Variants in NUAK2 observed in about 807,000 individuals in gnomAD.
The protein encoded by NUAK2 is NUAK family SNF1-like kinase 2.
In NUAK2, 20 loss-of-function variants were observed where a neutral mutation model predicts 29.8. The ratio of observed to expected loss-of-function variants is 0.67; its 90% CI spans 0.47 to 0.98. The LOEUF (loss-of-function observed/expected upper bound fraction) is 0.98, where lower values mean the gene tolerates loss of function less well. Ranked by LOEUF, NUAK2 falls within the 50% of genes least tolerant of loss-of-function variation. The pLI, the probability that NUAK2 is intolerant of heterozygous loss-of-function variation, is 0.00. For synonymous variants in NUAK2, 331 were observed against 342.6 expected, an observed-to-expected ratio of 0.97 and a Z score of 0.37; for missense variants, 719 against 834.5, an observed-to-expected ratio of 0.86 and a Z score of 1.71.
intron 1 of NUAK2, among the ~76,000 whole-genome samples, chr1:205,312,220 T>C (rs995740998): frequency 1.3e-5 from 2 of 152,286 alleles, no homozygotes; most frequent in Non-Finnish European, 2.9e-5. Context: ...CTGAGCACAG[T>C]AGGCACAGAA....
Position 205,321,742 on chromosome 1 carries a change from G to C in NUAK2, c.-114C>G. ...CGGGGAGCCACAGCAGTACCAGAGC[G>C]CGCAGTAAAGCACAGCATTCCAAGT... On this transcript the variant is annotated 5_prime_UTR_variant, in exon 1 of 7. Transcript: ENST00000367157. The C allele has an allele frequency of 1.2e-6, 1 of 806,836 alleles. No homozygotes were observed. The highest frequency in any genetic ancestry group is 2.0e-6 in the Non-Finnish European group (1 of 511,686). The allele number at this position is 806,836 out of a possible 1,614,324, so 50.0% of individuals were successfully genotyped here. A position where few individuals can be genotyped will look rare whatever the true frequency, so the allele number is the denominator to read the frequency against.
intron 2 of NUAK2, among the ~76,000 whole-genome samples, chr1:205,309,635 T>C (rs1444821551): frequency 6.6e-6 from 1 of 152,166 alleles, no homozygotes; most frequent in African/African-American, 2.4e-5. Context: ...CACAGTTATG[T>C]TTATAATCAG....
At position 205,321,417 on chromosome 1, in the gene NUAK2, C is replaced by T. The variant is rs1553381660; in HGVS notation, c.212G>A (p.Arg71Gln). 1 of 1,613,788 alleles carries T rather than the reference C, an allele frequency of 6.2e-7. No individual in the cohort carries two copies. The highest frequency in any genetic ancestry group is 8.5e-7 in the Non-Finnish European group (1 of 1,179,824). Residue 71 changes from arginine (R) to glutamine (Q), a missense_variant, in exon 1 of 7, where the codon CGG becomes CAG. Transcript: ENST00000367157. ...ACTCACCAGGCGCCCCGAGCTCTCC[C>T]GCGCCTTCTTCACCTTCCCGTAGGT... ...KGTYGKVKKARESSGRLVAIK... is the reference protein window; with the variant it reads ...KGTYGKVKKAQESSGRLVAIK...
intron 1 of NUAK2, among the ~76,000 whole-genome samples, chr1:205,319,294 G>A (rs1662373223): frequency 6.6e-6 from 1 of 152,196 alleles, no homozygotes; most frequent in Non-Finnish European, 1.5e-5. Context: ...AGAGCAAGAG[G>A]CATGAGGCCA....
At chr1:205,318,051 TAATTA>T (rs1662354507) in intron 1 of NUAK2, among the ~76,000 whole-genome samples, 1 of 152,200 alleles carries the variant, frequency 6.6e-6, no homozygotes, top group Non-Finnish European at 1.5e-5. Context: ...GAGGTAGGAA[TAATTA>T]TCACCCCTAC....
At chr1:205,311,963 G>A in intron 1 of NUAK2, 138 bp from the exon 2 acceptor site, 1 of 1,116,486 alleles carries the variant, frequency 9.0e-7, no homozygotes, top group Admixed American at 2.3e-5. Context: ...CTTCACCAGT[G>A]TAGGTGGCAG....
At position 205,303,557 on chromosome 1, in the gene NUAK2, G is replaced by T; in HGVS notation, c.1780C>A (p.Arg594Ser). The T allele has an allele frequency of 6.2e-7, 1 of 1,613,620 alleles. No homozygotes were observed. Among genetic ancestry groups the T allele is most frequent in the East Asian group, 2.2e-5 (1 of 44,872 alleles). Reference sequence around the variant, plus strand: ...TCCCCCAAAGGATCCTGCCGCCAGCGCCTCAGGCAGCTTCCAGGGCCCTCT... The same window carrying T: ...TCCCCCAAAGGATCCTGCCGCCAGCTCCTCAGGCAGCTTCCAGGGCCCTCT... ...PSEGPGSCLR[R>S]WRQDPLGDSC... The change falls in exon 7 of 7, where the codon CGC becomes AGC. Residue 594 changes from arginine to serine, a missense_variant. Transcript: ENST00000367157.
chr1:205,306,271 C>G lies in NUAK2; in HGVS notation c.607G>C (p.Gly203Arg). 6.2e-7 allele frequency: 1 copy of G among 1,613,868 alleles called. No individual in the cohort carries two copies. Among genetic ancestry groups the G allele is most frequent in the South Asian group, 1.1e-5 (1 of 91,052 alleles). Residue 203 changes from glycine (G) to arginine (R), a missense_variant, in exon 5 of 7, where the codon GGC becomes CGC. Gly to Arg is a moderately radical substitution (Grantham distance 125). This residue lies in a region of NUAK2 where 283 missense variants were observed against 345.6 expected (regional missense o/e 0.82). Coordinates refer to ENST00000367157, the MANE Select transcript of NUAK2 (RefSeq NM_030952.3). ...DFGLSNLYHQ[G>R]KFLQTFCGSP... is the part of the protein sequence containing the mutation. Reference sequence around the variant, plus strand: ...CCACAGAATGTCTGCAGGAACTTGCCTTGATGGTAGAGGTTGGAGAGACCG... The same window carrying G: ...CCACAGAATGTCTGCAGGAACTTGCGTTGATGGTAGAGGTTGGAGAGACCG...
chr1:205,321,642 T>G lies in NUAK2; in HGVS notation c.-14A>C. ...CAGCGACTCCATGGCGAGCAGGAGGTGAGCAAGGGCGGCAGGGGAATCAGT... is the reference window on the plus strand; with the variant it reads ...CAGCGACTCCATGGCGAGCAGGAGGGGAGCAAGGGCGGCAGGGGAATCAGT... On this transcript the variant is annotated 5_prime_UTR_variant, in exon 1 of 7. Coordinates refer to ENST00000367157, the MANE Select transcript of NUAK2 (RefSeq NM_030952.3). 1 of 1,602,624 alleles carries G rather than the reference T, an allele frequency of 6.2e-7. No homozygotes were observed. Among genetic ancestry groups the G allele is most frequent in the African/African-American group, 1.3e-5 (1 of 74,878 alleles).
intron 1 of NUAK2, among the ~76,000 whole-genome samples, chr1:205,316,803 G>T (rs527766818): frequency 8.9e-4 from 136 of 152,292 alleles, no homozygotes; most frequent in Admixed American, 3.9e-3. Flanking sequence ...TTCTGATTCT[G>T]TCCCAGTGGT....
rs766330803 is a variant in NUAK2, at chr1:205,304,242, G to A, written c.1095C>T (p.Thr365=). ...KQHAPGGGST[T]PGLERQHSLK... ...GCGAATGCTGGCGCTCCAGGCCAGG[G>A]GTGGTGCTTCCCCCACCAGGTGCAT... Residue 365 remains threonine, a synonymous_variant, in exon 7 of 7, where the codon ACC becomes ACT. Transcript: ENST00000367157. The surrounding 1 kb of genome is among the most constrained non-coding windows in gnomAD (Gnocchi z 6.5). 2 of 1,614,164 alleles carry A rather than the reference G, an allele frequency of 1.2e-6. No homozygotes were observed. The highest frequency in any genetic ancestry group is 3.3e-5 in the Admixed American group (2 of 60,024).
intron 1 of NUAK2, among the ~76,000 whole-genome samples, chr1:205,315,458 A>T (rs542691476): frequency 2.6e-5 from 4 of 152,212 alleles, no homozygotes; most frequent in Non-Finnish European, 5.9e-5. Context: ...CAGTGCTCAG[A>T]TAAGATTTTC....
rs1451469748 is a variant in NUAK2 at position 205,308,788 on chromosome 1, TG to T, written c.353-57del. The stretch of plus-strand genomic sequence containing the variant: ...CCTCCCAGAGTGCACTGCTCTCCAC[TG>T]GGGGTGACTCACTCCTCCCCGACCC... On this transcript the variant is annotated intron_variant, in intron 2 of 6. Transcript: ENST00000367157. The surrounding 1 kb of genome is among the most constrained non-coding windows in gnomAD (Gnocchi z 4.1). 12 of 1,589,658 alleles carry T rather than the reference TG, an allele frequency of 7.5e-6. No homozygotes were observed. Among genetic ancestry groups the T allele is most frequent in the Non-Finnish European group, 9.5e-6 (11 of 1,163,710 alleles).
chr1:205,311,838 G>T lies in NUAK2; in HGVS notation c.232-13C>A, dbSNP rs762542221. The T allele has an allele frequency of 9.3e-6, 15 of 1,613,296 alleles. No homozygotes were observed. The East Asian group carries it at 2.7e-4, about 29-fold the overall frequency. ...ACTTGATGGCCACCTGGGAAGAGAAGGCATGAGAGTGAGGAGAAAGGTTTG... is the reference window on the plus strand; with the variant it reads ...ACTTGATGGCCACCTGGGAAGAGAATGCATGAGAGTGAGGAGAAAGGTTTG... On this transcript the variant is annotated splice_polypyrimidine_tract_variant and intron_variant, in intron 1 of 6. Coordinates refer to ENST00000367157, the MANE Select transcript of NUAK2 (RefSeq NM_030952.3).
chr1:205,313,046 G>A (rs1397725907), intron 1 of NUAK2, among the ~76,000 whole-genome samples: 1 of 152,150 alleles, frequency 6.6e-6, no homozygotes, highest in African/African-American at 2.4e-5. Flanking sequence ...TTAACAGAAC[G>A]GTGGTTACCA....
Position 205,307,998 on chromosome 1 carries a change from G to A in NUAK2, c.570+167C>T, listed in dbSNP as rs904093838. On this transcript the variant is annotated intron_variant, in intron 4 of 6. Transcript: ENST00000367157. ...GGCTCCAGCTCTCCATCCACACAAT[G>A]AGGTGTTGGAATGGATGATGGCTGA... The A allele has an allele frequency of 1.4e-5, 8 of 553,038 alleles. No individual in the cohort carries two copies. In the African/African-American group the frequency reaches 1.6e-4, roughly 11 times the overall value. 34.3% of individuals were successfully genotyped at this position (553,038 alleles called of 1,614,324 possible).
intron 1 of NUAK2, among the ~76,000 whole-genome samples, chr1:205,320,134 G>A (rs539975337): frequency 2.0e-5 from 3 of 152,158 alleles, no homozygotes; most frequent in Non-Finnish European, 2.9e-5. Flanking sequence ...TGATCCTTAC[G>A]TACTTTAAAC....
chr1:205,317,547 G>A (rs1322924731), intron 1 of NUAK2, among the ~76,000 whole-genome samples: 1 of 152,206 alleles, frequency 6.6e-6, no homozygotes, highest in Non-Finnish European at 1.5e-5. Context: ...TCCAAGGGGA[G>A]CCTGAGCCAC....
Position 205,303,816 on chromosome 1 carries a change from C to A in NUAK2, c.1521G>T (p.Lys507Asn), listed in dbSNP as rs906473153. 1.1e-5 allele frequency: 17 copies of A among 1,595,686 alleles called. No homozygotes were observed. The highest frequency in any genetic ancestry group is 1.4e-5 in the Non-Finnish European group (16 of 1,170,412). ...CGAGCTCCAAGGCTGTCTGGGAGAA[C>A]TTGCCATTGAGTTTGAGGATGCCTT... is the stretch of plus-strand genomic sequence containing the variant. ...HRKGILKLNG[K>N]FSQTALELAA... Residue 507 changes from lysine to asparagine, a missense_variant, in exon 7 of 7, where the codon AAG (lysine) becomes AAT (asparagine). By Grantham distance (94) the Lys-to-Asn change is moderately conservative. Around this residue, in one of 3 missense-constraint regions of NUAK2, gnomAD observed 430 missense variants for 465.7 expected, o/e 0.92. Transcript: ENST00000367157.
Sources: allele counts gnomAD v4.1 joint callset (sites outside exome capture counted in the v4.1 genomes callset), GRCh38; gene constraint gnomAD v4.1.1; regional missense constraint gnomAD v4.1.1; non-coding constraint Gnocchi (gnomAD v3.1); transcripts MANE v1.5; gene names NCBI Gene and HGNC (gene_info 2026-07-23, HGNC 2026-07-21).